AFG2A: variants seen among roughly 807,000 people sequenced by gnomAD.
AFG2A encodes AAA ATPase AFG2A, also known as ATPase family gene 2 protein homolog A.
the AFG2A span, among the ~76,000 whole-genome samples, chr4:123,285,258 T>C: frequency 2.6e-5 from 4 of 152,132 alleles, no homozygotes; most frequent in African/African-American, 9.7e-5. Flanking sequence ...CTCTTTCAGT[T>C]TTTATGTGGG....
chr4:123,051,751 C>T, the AFG2A span, among the ~76,000 whole-genome samples: 2 of 149,350 alleles, frequency 1.3e-5, no homozygotes, highest in Non-Finnish European at 3.0e-5. Context: ...TTTCTTTCAG[C>T]ATTCTGAATA....
chr4:122,980,969 T>C, the AFG2A span, among the ~76,000 whole-genome samples: 1 of 152,178 alleles, frequency 6.6e-6, no homozygotes, highest in Non-Finnish European at 1.5e-5. Flanking sequence ...CTCTTTACTC[T>C]GTTTCCTTTG....
At chr4:123,031,980 A>T in the AFG2A span, among the ~76,000 whole-genome samples, 1 of 152,146 alleles carries the variant, frequency 6.6e-6, no homozygotes, top group Admixed American at 6.5e-5. Context: ...AATACTTTCC[A>T]GTTGAAATTT....
the AFG2A span, among the ~76,000 whole-genome samples, chr4:122,941,309 C>T: frequency 0.81 from 119,605 of 147,876 alleles, 50,185 homozygotes; most frequent in East Asian, 0.95. Context: ...TTTATTTCCT[C>T]GAGCAGTAGT....
the AFG2A span, among the ~76,000 whole-genome samples, chr4:123,005,887 C>T: frequency 2.0e-5 from 3 of 152,158 alleles, no homozygotes; most frequent in African/African-American, 7.2e-5. Context: ...TCAAAACATA[C>T]TGTCATCAGT....
the AFG2A span, among the ~76,000 whole-genome samples, chr4:123,259,077 G>A: frequency 6.6e-6 from 1 of 152,054 alleles, no homozygotes; most frequent in Non-Finnish European, 1.5e-5. Context: ...ACATTGGCCA[G>A]GCTGGTCTTG....
the AFG2A span, among the ~76,000 whole-genome samples, chr4:123,034,121 G>A: frequency 6.6e-6 from 1 of 151,372 alleles, no homozygotes; most frequent in African/African-American, 2.4e-5. Flanking sequence ...CCTTATTGTA[G>A]GTTCCACAAC....
At chr4:123,214,222 T>G in the AFG2A span, among the ~76,000 whole-genome samples, 2 of 152,148 alleles carry the variant, frequency 1.3e-5, no homozygotes, top group African/African-American at 2.4e-5. Context: ...GACCAATGAT[T>G]TATAATATCA....
chr4:123,028,368 G>A, the AFG2A span: 2 of 1,614,108 alleles, frequency 1.2e-6, no homozygotes, highest in South Asian at 1.1e-5. Flanking sequence ...TGGCCAATGA[G>A]AGTGGACTGA....
At chr4:123,062,469 A>C in the AFG2A span, among the ~76,000 whole-genome samples, 70 of 152,174 alleles carry the variant, frequency 4.6e-4, no homozygotes, top group Admixed American at 4.6e-3. Flanking sequence ...TTCTGATAAT[A>C]ATGGCCAGTA....
the AFG2A span, chr4:122,947,219 T>C: frequency 1.3e-6 from 2 of 1,519,982 alleles, no homozygotes; most frequent in South Asian, 1.3e-5. Flanking sequence ...TTTATTTTCA[T>C]TTTATTTTGT....
At chr4:123,130,050 C>T in the AFG2A span, among the ~76,000 whole-genome samples, 2 of 151,822 alleles carry the variant, frequency 1.3e-5, no homozygotes, top group South Asian at 2.1e-4. Flanking sequence ...ACTCTGTTGC[C>T]CAGACTGAAG....
the AFG2A span, among the ~76,000 whole-genome samples, chr4:123,257,079 C>T: frequency 1.3e-5 from 2 of 152,092 alleles, no homozygotes; most frequent in African/African-American, 2.4e-5. Context: ...TGTTTTCATT[C>T]GTCTTATGTA....
the AFG2A span, among the ~76,000 whole-genome samples, chr4:123,098,981 A>G: frequency 7.9e-5 from 12 of 151,956 alleles, no homozygotes; most frequent in Non-Finnish European, 1.6e-4. Flanking sequence ...GTTCCTACCA[A>G]CAGTGTACAA....
At chr4:123,016,792 G>C in the AFG2A span, among the ~76,000 whole-genome samples, 1 of 152,156 alleles carries the variant, frequency 6.6e-6, no homozygotes, top group African/African-American at 2.4e-5. Flanking sequence ...GGAGGTTGTA[G>C]CGAGCTGAGA....
chr4:123,142,615 A>T, the AFG2A span, among the ~76,000 whole-genome samples: 1 of 151,942 alleles, frequency 6.6e-6, no homozygotes, highest in Non-Finnish European at 1.5e-5. Context: ...GTAATCTGTC[A>T]TAGACTTCAC....
the AFG2A span, chr4:123,314,736 T>G: frequency 0.012 from 1,718 of 147,224 alleles, 8 homozygotes; most frequent in Non-Finnish European, 0.019. Context: ...TAGGCTTGGG[T>G]TTTTTTTGTT....
the AFG2A span, among the ~76,000 whole-genome samples, chr4:123,156,353 T>C: frequency 6.6e-6 from 1 of 152,170 alleles, no homozygotes; most frequent in Admixed American, 6.5e-5. Flanking sequence ...TCACATTACG[T>C]ACGTAACCCT....
the AFG2A span, among the ~76,000 whole-genome samples, chr4:123,003,650 G>C: frequency 2.6e-5 from 4 of 152,040 alleles, no homozygotes; most frequent in Admixed American, 6.6e-5. Context: ...GCTGCTGTCT[G>C]ATCATCCCTC....
Sources: gnomAD v4.1 joint callset for allele counts (sites outside exome capture counted in the v4.1 genomes callset) on GRCh38, gnomAD v4.1.1 for gene constraint, MANE v1.5 for transcripts, NCBI Gene and HGNC (gene_info 2026-07-23, HGNC 2026-07-21) for gene names.